ADAM22: variants seen among roughly 807,000 people sequenced by gnomAD.
ADAM22 encodes the protein ADAM metallopeptidase domain 22.
Under a neutral mutation model 144.6 loss-of-function variants are expected in ADAM22, and 65 were observed. That is an observed-to-expected ratio of 0.45 (90% CI 0.37 to 0.55). The LOEUF is 0.55. Ranked by LOEUF, ADAM22 falls within the 20% of genes least tolerant of loss-of-function variation. The probability of loss-of-function intolerance (pLI) is 0.00; values close to 1 mark genes in which losing one functional copy is unlikely to be tolerated. For missense variants in ADAM22, 974 were observed against 1,184.9 expected (o/e 0.82, Z 2.61); for synonymous variants, 391 against 412.6 (o/e 0.95, Z 0.63).
intron 2 of ADAM22, among the ~76,000 whole-genome samples, chr7:87,963,501 A>G (rs1848423551): frequency 6.6e-6 from 1 of 152,212 alleles, no homozygotes; most frequent in African/African-American, 2.4e-5. Context: ...TTCCTTTGTA[A>G]AAAAGAATCA....
intron 2 of ADAM22, among the ~76,000 whole-genome samples, chr7:87,935,699 A>G (rs1841086227): frequency 6.6e-6 from 1 of 152,240 alleles, no homozygotes; most frequent in Non-Finnish European, 1.5e-5. Context: ...TGTGGACACC[A>G]GAGATATGCC....
intron 3 of ADAM22, among the ~76,000 whole-genome samples, chr7:88,038,785 CTTT>C (rs746941738): frequency 7.3e-6 from 1 of 137,852 alleles, no homozygotes; most frequent in African/African-American, 2.7e-5. Flanking sequence ...TCTTCTTCTT[CTTT>C]TTTTTTTTTT....
At position 88,160,723 on chromosome 7, in the gene ADAM22, C is replaced by T. The variant is rs1841365789; in HGVS notation, c.1908-2289C>T. On this transcript the variant is annotated intron_variant, in intron 22 of 31. Transcript: ENST00000413139. ...AAGACTTGGAACCAACCCAAATGTC[C>T]ATCAATGATAGACTGGATTAAGAAA... is the stretch of plus-strand genomic sequence containing the variant. Among the ~76,000 whole-genome samples, 6 of 152,266 alleles carry T rather than the reference C, an allele frequency of 3.9e-5. No individual in the cohort carries two copies. In the South Asian group the frequency reaches 1.2e-3, roughly 32 times the overall value.
chr7:87,955,552 G>T (rs1406680049), intron 2 of ADAM22, among the ~76,000 whole-genome samples: 1 of 152,180 alleles, frequency 6.6e-6, no homozygotes. Flanking sequence ...CTACTGGGGG[G>T]TGCCTCCCAG....
rs1843354523 is a variant in ADAM22 at position 88,168,119 on chromosome 7, TC to T, written c.2192-17del. On this transcript the variant is annotated splice_polypyrimidine_tract_variant and intron_variant, in intron 24 of 31. Transcript: ENST00000413139. ...TTTTATACCACTGATCTTCCTTCTT[TC>T]TTTTTTTTCCTCTCAGGTGTTGCTG... The T allele has an allele frequency of 1.2e-6, 2 of 1,608,262 alleles. No homozygotes were observed. The highest frequency in any genetic ancestry group is 3.3e-5 in the Admixed American group (2 of 59,708).
chr7:88,076,870 C>T (rs750604308), intron 4 of ADAM22, among the ~76,000 whole-genome samples: 8 of 152,186 alleles, frequency 5.3e-5, no homozygotes, highest in Admixed American at 1.3e-4. Context: ...TAATCCCACT[C>T]GTTCATATTC....
chr7:88,166,943 A>G (rs1219795722), intron 24 of ADAM22, among the ~76,000 whole-genome samples: 3 of 152,182 alleles, frequency 2.0e-5, no homozygotes. Flanking sequence ...GTCTTGAAGT[A>G]AGAAAATTCT....
intron 4 of ADAM22, among the ~76,000 whole-genome samples, chr7:88,092,400 G>A (rs1010409235): frequency 4.6e-5 from 7 of 152,150 alleles, no homozygotes; most frequent in Non-Finnish European, 2.9e-5. Flanking sequence ...CTCCTCACAT[G>A]TAATATCAGT....
At chr7:88,024,282 T>C (rs1798485353) in intron 3 of ADAM22, among the ~76,000 whole-genome samples, 1 of 152,172 alleles carries the variant, frequency 6.6e-6, no homozygotes, top group Non-Finnish European at 1.5e-5. Context: ...TCCATAGTGG[T>C]CATACTAATT....
intron 2 of ADAM22, among the ~76,000 whole-genome samples, chr7:87,954,206 G>C (rs573168804): frequency 5.3e-5 from 8 of 151,512 alleles, no homozygotes; most frequent in African/African-American, 1.9e-4. Context: ...TGGTTATTTT[G>C]CTCGTTAGTT....
intron 29 of ADAM22, chr7:88,185,731 C>T (rs539604654): frequency 3.3e-5 from 5 of 152,286 alleles, no homozygotes; most frequent in Admixed American, 3.3e-4. Flanking sequence ...GACCTCCCTC[C>T]AATTTTTTTA....
intron 3 of ADAM22, among the ~76,000 whole-genome samples, chr7:88,023,375 A>C (rs537454982): frequency 6.6e-6 from 1 of 152,288 alleles, no homozygotes; most frequent in South Asian, 2.1e-4. Context: ...GATATCTGTC[A>C]CCTCAAGCAT....
intron 29 of ADAM22, among the ~76,000 whole-genome samples, chr7:88,183,718 T>C (rs1563416683): frequency 6.6e-6 from 1 of 151,770 alleles, no homozygotes; most frequent in African/African-American, 2.4e-5. Flanking sequence ...ACTTTTCTGA[T>C]TTTGGTTACA....
At position 87,977,868 on chromosome 7, in the gene ADAM22, T is replaced by C. The variant is rs2299191; in HGVS notation, c.247-468T>C. Among the ~76,000 whole-genome samples the C allele has an allele frequency of 5.8e-3, 882 of 152,350 alleles. 13 individuals carry two copies. Among genetic ancestry groups the C allele is most frequent in the East Asian group, 0.046 (238 of 5,180 alleles). The stretch of plus-strand genomic sequence containing the variant: ...GTCTGGTAAATTATAAAGGAAATAC[T>C]ATTTTTAAAGTATATCTTTGTGATA... On this transcript the variant is annotated intron_variant, in intron 2 of 31. Transcript: ENST00000413139.
At chr7:88,131,587 T>G in intron 11 of ADAM22, 152 bp downstream of exon 11, 1 of 637,992 alleles carries the variant, frequency 1.6e-6, no homozygotes, top group Non-Finnish European at 2.6e-6. Context: ...AAGTATAGAT[T>G]GCTTAAAATT....
At chr7:88,022,644 C>A (rs1254902345) in intron 3 of ADAM22, among the ~76,000 whole-genome samples, 1 of 152,058 alleles carries the variant, frequency 6.6e-6, no homozygotes, top group East Asian at 1.9e-4. Context: ...TTTTTCATAT[C>A]AGTAAGTAGA....
intron 2 of ADAM22, among the ~76,000 whole-genome samples, chr7:87,949,062 C>T (rs770524411): frequency 2.6e-5 from 4 of 152,162 alleles, no homozygotes; most frequent in Non-Finnish European, 5.9e-5. Flanking sequence ...GTAATGCTTT[C>T]GTTGGGATGG....
chr7:88,190,002 C>T (rs1412550985), intron 30 of ADAM22, among the ~76,000 whole-genome samples: 1 of 152,138 alleles, frequency 6.6e-6, no homozygotes, highest in Non-Finnish European at 1.5e-5. Flanking sequence ...ATAAAACTCA[C>T]ATATGAACAC....
chr7:87,973,091 C>T (rs375078796), intron 2 of ADAM22, among the ~76,000 whole-genome samples: 15 of 152,068 alleles, frequency 9.9e-5, no homozygotes, highest in South Asian at 4.1e-4. Context: ...ATTGACAAAT[C>T]GGATCTAATT....
Sources: gnomAD v4.1 joint callset for allele counts (sites outside exome capture counted in the v4.1 genomes callset) on GRCh38, gnomAD v4.1.1 for gene constraint, MANE v1.5 for transcripts, NCBI Gene and HGNC (gene_info 2026-07-23, HGNC 2026-07-21) for gene names.